The following GART variants were observed in gnomAD, a reference collection of about 807,000 sequenced individuals.
GART encodes phosphoribosylglycinamide formyltransferase, phosphoribosylglycinamide synthetase, phosphoribosylaminoimidazole synthetase.
A neutral mutation model predicts 107.2 loss-of-function variants in GART; 43 were observed. The ratio of observed to expected loss-of-function variants is 0.40; its 90% CI spans 0.31 to 0.52. The LOEUF is 0.52. Among genes scored for constraint, GART ranks in the 20% least tolerant of loss-of-function variants. The pLI, the probability that GART is intolerant of heterozygous loss-of-function variation, is 0.52. For missense variants in GART, 1,107 were observed against 1,206.5 expected, an observed-to-expected ratio of 0.92 and a Z score of 1.22; for synonymous variants, 434 against 427.0, an observed-to-expected ratio of 1.02 and a Z score of -0.20.
In GART at chr21:33,528,184, T is replaced by G. The variant is rs1280658616; in HGVS notation, c.1049A>C (p.Lys350Thr). 2 of 1,613,500 alleles carry G rather than the reference T, an allele frequency of 1.2e-6. No individual in the cohort carries two copies. The highest frequency in any genetic ancestry group is 1.7e-6 in the Non-Finnish European group (2 of 1,179,772). The change falls in exon 10 of 22, where the codon AAG becomes ACG. Residue 350 changes from lysine to threonine, a missense_variant. Transcript: ENST00000381815. ...ASKGYPGDYT[K>T]GVEITGFPEA... is the part of the protein sequence containing the mutation. ...ACACTCACCTGTTATCTCTACACCC[T>G]TGGTGTAGTCTCCAGGATAACCTTT...
chr21:33,506,673 C>A (rs377349558), intron 18 of GART, among the ~76,000 whole-genome samples: 7 of 152,010 alleles, frequency 4.6e-5, no homozygotes, highest in East Asian at 3.9e-4. Context: ...ACCCATCTGA[C>A]AAGGGATTAA....
chr21:33,534,805 T>G, intron 3 of GART, 52 bp from the exon 4 acceptor site: 5 of 1,479,756 alleles, frequency 3.4e-6, no homozygotes, highest in Non-Finnish European at 4.5e-6. Flanking sequence ...CCAGGGGCTT[T>G]TCAGCCTGAA....
Position 33,541,376 on chromosome 21 carries a change from A to G in GART, c.-42+689T>C, listed in dbSNP as rs562880574. ...TGGCCAGGCTGGTCTCGAACTCCTG[A>G]CCTCCAATGGTCAACCCACCTTGGC... On this transcript the variant is annotated intron_variant, in intron 1 of 21. Coordinates refer to ENST00000381815, the MANE Select transcript of GART (RefSeq NM_000819.5). Among the ~76,000 whole-genome samples, 3 of 152,282 alleles carry G rather than the reference A, an allele frequency of 2.0e-5. No individual in the cohort carries two copies. The South Asian group carries it at 6.2e-4, about 32-fold the overall frequency.
intron 10 of GART, 67 bp from the exon 11 acceptor site, chr21:33,525,067 A>T: frequency 6.6e-7 from 1 of 1,507,220 alleles, no homozygotes; most frequent in South Asian, 1.3e-5. Context: ...GAAGTGATTT[A>T]CGATTTCCAC....
chr21:33,505,829 AAGGGAC>A, intron 19 of GART, 127 bp from the exon 20 acceptor site: 1 of 1,362,054 alleles, frequency 7.3e-7, no homozygotes, highest in African/African-American at 1.5e-5. Flanking sequence ...ATTATTAAGA[AAGGGAC>A]AGGATGAAGA....
chr21:33,515,526 G>A (rs2084858510), intron 16 of GART, among the ~76,000 whole-genome samples: 1 of 151,960 alleles, frequency 6.6e-6, no homozygotes, highest in African/African-American at 2.4e-5. Context: ...TGTAGTCCCA[G>A]CTACTTGGGA....
intron 6 of GART, 60 bp from the exon 7 acceptor site, chr21:33,530,944 T>G: frequency 6.9e-7 from 1 of 1,442,132 alleles, no homozygotes; most frequent in Non-Finnish European, 9.1e-7. Context: ...AAAAAAAATT[T>G]AGTGAGGCAA....
At chr21:33,506,398 C>T (rs1179659102) in intron 18 of GART, among the ~76,000 whole-genome samples, 3 of 152,146 alleles carry the variant, frequency 2.0e-5, no homozygotes, top group Non-Finnish European at 4.4e-5. Context: ...CCCACCTCGG[C>T]CTCCCAAATT....
intron 10 of GART, among the ~76,000 whole-genome samples, chr21:33,527,279 G>A (rs1022448929): frequency 2.0e-5 from 3 of 152,234 alleles, no homozygotes; most frequent in East Asian, 1.9e-4. Flanking sequence ...AATACTTGAG[G>A]AGGATGAGGT....
chr21:33,522,053 G>A lies in GART; in HGVS notation c.1393+135C>T. On this transcript the variant is annotated intron_variant, in intron 12 of 21. Coordinates refer to ENST00000381815, the MANE Select transcript of GART (RefSeq NM_000819.5). ...ATTAAAGAAAAGAAAGCAGAAGACT[G>A]GGTTTGGCTTAAGCAGGGCAAAACT... 5.0e-6 allele frequency: 3 copies of A among 597,130 alleles called. No homozygotes were observed. The South Asian group carries it at 6.9e-5, about 14-fold the overall frequency. The allele number at this position is 597,130 out of a possible 1,614,324, so 37.0% of individuals were successfully genotyped here. A position where few individuals can be genotyped will look rare whatever the true frequency, so the allele number is the denominator to read the frequency against.
At chr21:33,533,445 A>AT (rs1271082475) in intron 4 of GART, among the ~76,000 whole-genome samples, 137 of 150,696 alleles carry the variant, frequency 9.1e-4, no homozygotes, top group Middle Eastern at 3.4e-3. Context: ...ACTCAAAAAA[A>AT]AAAAAATAAA....
intron 4 of GART, among the ~76,000 whole-genome samples, chr21:33,534,132 GT>G: frequency 6.6e-6 from 1 of 152,260 alleles, no homozygotes; most frequent in Non-Finnish European, 1.5e-5. Flanking sequence ...TATTGAGAAA[GT>G]TTTTTCCTTA....
At position 33,522,273 on chromosome 21, in the gene GART, A is replaced by C. The variant is rs748705223; in HGVS notation, c.1308T>G (p.Thr436=). 1.2e-6 allele frequency: 2 copies of C among 1,611,366 alleles called. No homozygotes were observed. The highest frequency in any genetic ancestry group is 1.7e-6 in the Non-Finnish European group (2 of 1,177,740). ...CGATATCTACTCCAGATTCCTTGTA[A>C]GTCAAACTCCTAAAGAATTAAAAAC... is the stretch of plus-strand genomic sequence containing the variant. ...IAFLQQPRSL[T]YKESGVDIAA... is the part of the protein sequence containing the mutation. Residue 436 remains threonine, a synonymous_variant, in exon 12 of 22, where the codon ACT becomes ACG. Coordinates refer to ENST00000381815, the MANE Select transcript of GART (RefSeq NM_000819.5).
At chr21:33,516,671 A>G (rs1266358701) in intron 16 of GART, among the ~76,000 whole-genome samples, 2 of 152,148 alleles carry the variant, frequency 1.3e-5, no homozygotes, top group Non-Finnish European at 2.9e-5. Context: ...GGATTACTTA[A>G]TAGCTAACAT....
chr21:33,509,756 T>C (rs1357307243), intron 18 of GART, 27 bp downstream of exon 18: 1 of 1,611,216 alleles, frequency 6.2e-7, no homozygotes. Flanking sequence ...TCAACAGCTC[T>C]ACAGTGAAGG....
At chr21:33,505,882 C>G in intron 19 of GART, 92 bp downstream of exon 19, 2 of 1,540,728 alleles carry the variant, frequency 1.3e-6, no homozygotes, top group Non-Finnish European at 1.8e-6. Context: ...GGCGAAGTCC[C>G]AAGAACAAGT....
intron 16 of GART, among the ~76,000 whole-genome samples, chr21:33,512,665 T>A (rs2084806364): frequency 6.6e-6 from 1 of 152,114 alleles, no homozygotes; most frequent in Non-Finnish European, 1.5e-5. Flanking sequence ...CACGGCTCAC[T>A]GTAGCCTTGA....
At position 33,517,005 on chromosome 21, in the gene GART, T is replaced by C. The variant is rs200440580; in HGVS notation, c.2091A>G (p.Lys697=). 5 of 1,599,290 alleles carry C rather than the reference T, an allele frequency of 3.1e-6. No individual in the cohort carries two copies. The highest frequency in any genetic ancestry group is 4.3e-6 in the Non-Finnish European group (5 of 1,176,382). The change falls in exon 16 of 22, where the codon AAA becomes AAG. Residue 697 remains lysine, a synonymous_variant. Transcript: ENST00000381815. The stretch of plus-strand genomic sequence containing the variant: ...TGATCTTACCTAAATCTACCCCAAG[T>C]TTCTCAGGGAGGACTCTGGGGATGT... The part of the protein sequence containing the change: ...LENIPRVLPE[K]LGVDLDAQTW...
Position 33,535,097 on chromosome 21 carries a change from C to T in GART, c.241+128G>A, listed in dbSNP as rs149176429. ...AAAAAAATCTAGACTCCATAAATTT[C>T]GAGAGTGGAAGCTCTTTTTCCAAGA... On this transcript the variant is annotated intron_variant, in intron 3 of 21. Coordinates refer to ENST00000381815, the MANE Select transcript of GART (RefSeq NM_000819.5). 1.7e-4 allele frequency: 101 copies of T among 608,122 alleles called. No homozygotes were observed. In the African/African-American group the frequency reaches 1.8e-3, roughly 11 times the overall value. The allele number at this position is 608,122 out of a possible 1,614,324, so 37.7% of individuals were successfully genotyped here. A position where few individuals can be genotyped will look rare whatever the true frequency, so the allele number is the denominator to read the frequency against.
Sources: allele counts gnomAD v4.1 joint callset (sites outside exome capture counted in the v4.1 genomes callset), GRCh38; gene constraint gnomAD v4.1.1; transcripts MANE v1.5; gene names NCBI Gene and HGNC (gene_info 2026-07-23, HGNC 2026-07-21).